Variants in DCC observed in about 807,000 individuals in gnomAD.
The protein encoded by DCC is netrin receptor DCC.
In DCC, 58 loss-of-function variants were observed where a neutral mutation model predicts 172.5. The observed-to-expected ratio is 0.34, with a 90% CI of 0.27 to 0.42. The LOEUF (loss-of-function observed/expected upper bound fraction) is 0.42, where lower values mean the gene tolerates loss of function less well. Among genes scored for constraint, DCC ranks in the 10% least tolerant of loss-of-function variants. The pLI is 1.00. For missense variants in DCC, 1,740 were observed against 1,791.0 expected (o/e 0.97, Z 0.51); for synonymous variants, 709 against 644.5 (o/e 1.10, Z -1.52).
At chr18:53,252,357 C>A (rs956179459) in intron 12 of DCC, among the ~76,000 whole-genome samples, 3 of 151,736 alleles carry the variant, frequency 2.0e-5, no homozygotes, top group Admixed American at 2.0e-4. Context: ...AGAATGACCC[C>A]AAAGAAAGAC....
intron 2 of DCC, among the ~76,000 whole-genome samples, chr18:52,841,126 A>T (rs551463303): frequency 6.6e-5 from 10 of 152,230 alleles, no homozygotes; most frequent in African/African-American, 1.9e-4. Flanking sequence ...TAATGGTAAG[A>T]CTTGGAGTGA....
chr18:53,025,808 A>C (rs1599040757), intron 5 of DCC, among the ~76,000 whole-genome samples: 1 of 150,908 alleles, frequency 6.6e-6, no homozygotes, highest in Non-Finnish European at 1.5e-5. Context: ...ACACACACAC[A>C]CACACACACA....
chr18:52,677,724 T>C (rs917983537), intron 1 of DCC, among the ~76,000 whole-genome samples: 3 of 152,076 alleles, frequency 2.0e-5, no homozygotes, highest in African/African-American at 7.2e-5. Flanking sequence ...TCTGACAAAA[T>C]AGAGAAGAAA....
At chr18:53,406,344 T>C (rs1484220824) in intron 19 of DCC, among the ~76,000 whole-genome samples, 2 of 152,130 alleles carry the variant, frequency 1.3e-5, no homozygotes, top group African/African-American at 2.4e-5. Flanking sequence ...CAGATCTTTT[T>C]ATTCCCTTTG....
intron 5 of DCC, among the ~76,000 whole-genome samples, chr18:53,032,473 G>C (rs1048287355): frequency 1.3e-5 from 2 of 152,114 alleles, no homozygotes; most frequent in Non-Finnish European, 2.9e-5. Context: ...TGCATGCATA[G>C]CATGAATTTT....
chr18:52,621,540 C>A (rs946688811), intron 1 of DCC, among the ~76,000 whole-genome samples: 1 of 152,162 alleles, frequency 6.6e-6, no homozygotes, highest in Non-Finnish European at 1.5e-5. Flanking sequence ...GCTTTCTGTG[C>A]TTCAGGGTTT....
intron 2 of DCC, among the ~76,000 whole-genome samples, chr18:52,863,191 C>T (rs759020268): frequency 6.6e-6 from 1 of 151,958 alleles, no homozygotes; most frequent in Middle Eastern, 3.7e-3. Flanking sequence ...AAACCACATT[C>T]TCATGCTTTC....
intron 1 of DCC, among the ~76,000 whole-genome samples, chr18:52,502,224 G>A (rs7233239): frequency 6.6e-6 from 1 of 152,020 alleles, no homozygotes; most frequent in African/African-American, 2.4e-5. Flanking sequence ...TAGAATTAAA[G>A]AAATTATAAA....
At chr18:53,472,082 A>T (rs2045704139) in intron 25 of DCC, among the ~76,000 whole-genome samples, 1 of 152,164 alleles carries the variant, frequency 6.6e-6, no homozygotes, top group South Asian at 2.1e-4. Context: ...CATATGCCAC[A>T]TCCTCCCTAT....
intron 2 of DCC, among the ~76,000 whole-genome samples, chr18:52,797,887 C>G (rs940288394): frequency 1.3e-5 from 2 of 152,140 alleles, no homozygotes; most frequent in Non-Finnish European, 2.9e-5. Flanking sequence ...GTTCTCAAGC[C>G]GCATAAAACA....
At chr18:53,076,232 G>T (rs147799001) in intron 7 of DCC, among the ~76,000 whole-genome samples, 2,708 of 152,258 alleles carry the variant, frequency 0.018, 36 homozygotes, top group Middle Eastern at 0.034. Context: ...TGTGAATTAG[G>T]ACTTCTGAGT....
chr18:53,336,734 G>A (rs2057595886), intron 14 of DCC, among the ~76,000 whole-genome samples: 1 of 152,166 alleles, frequency 6.6e-6, no homozygotes. Flanking sequence ...ACATTAGCTG[G>A]GCGTGGTGGC....
intron 2 of DCC, among the ~76,000 whole-genome samples, chr18:52,873,162 C>T (rs766978656): frequency 5.8e-4 from 89 of 152,158 alleles, no homozygotes; most frequent in Admixed American, 1.1e-3. Flanking sequence ...AGTCACTCCC[C>T]GATAAACTGT....
At chr18:53,168,942 T>G (rs761551099) in intron 8 of DCC, among the ~76,000 whole-genome samples, 40 of 152,200 alleles carry the variant, frequency 2.6e-4, no homozygotes, top group Non-Finnish European at 5.6e-4. Flanking sequence ...GTTATGTGTG[T>G]TAAAAGGGTA....
intron 12 of DCC, among the ~76,000 whole-genome samples, chr18:53,271,315 C>A (rs1216443261): frequency 6.6e-6 from 1 of 152,128 alleles, no homozygotes; most frequent in African/African-American, 2.4e-5. Context: ...TAATACTTAT[C>A]TATTATTGCA....
chr18:53,490,783 T>G (rs2045951952), intron 26 of DCC, among the ~76,000 whole-genome samples: 1 of 152,208 alleles, frequency 6.6e-6, no homozygotes, highest in Non-Finnish European at 1.5e-5. Flanking sequence ...GCGGACCAGT[T>G]GCTATTGTAT....
At chr18:52,426,212 A>G (rs914207070) in intron 1 of DCC, among the ~76,000 whole-genome samples, 3 of 151,840 alleles carry the variant, frequency 2.0e-5, no homozygotes, top group Admixed American at 1.3e-4. Flanking sequence ...CCTCCACCCT[A>G]TCATCTCCAC....
chr18:52,373,887 C>CTTTTTTTTTTTTTTTTTTTTTTTTT (rs779518696), intron 1 of DCC, among the ~76,000 whole-genome samples: 1 of 141,114 alleles, frequency 7.1e-6, no homozygotes. Context: ...TTGGTTGCAT[C>CTTTTTTTTTTTTTTTTTTTTTTTTT]ATTTTTTTTT....
chr18:53,091,889 G>T (rs1307703557), intron 7 of DCC, among the ~76,000 whole-genome samples: 1 of 150,300 alleles, frequency 6.7e-6, no homozygotes, highest in Non-Finnish European at 1.5e-5. Flanking sequence ...ACATAAATAT[G>T]TCTTTAAATT....
Sources: gnomAD v4.1 joint callset for allele counts (sites outside exome capture counted in the v4.1 genomes callset) on GRCh38, gnomAD v4.1.1 for gene constraint, MANE v1.5 for transcripts, NCBI Gene and HGNC (gene_info 2026-07-23, HGNC 2026-07-21) for gene names.